The following CLEC4D variants were observed in gnomAD, a reference collection of about 807,000 sequenced individuals.
CLEC4D encodes the protein C-type lectin domain family 4 member D.
Under a neutral mutation model 21.1 loss-of-function variants are expected in CLEC4D, and 21 were observed. The ratio of observed to expected loss-of-function variants is 1.00; its 90% CI spans 0.71 to 1.43. The LOEUF (loss-of-function observed/expected upper bound fraction) is 1.43, where lower values mean the gene tolerates loss of function less well. Ranked by LOEUF, CLEC4D falls within the 40% of genes most tolerant of loss-of-function variation. The pLI is 0.00. For missense variants in CLEC4D, 289 were observed against 260.7 expected, an observed-to-expected ratio of 1.11 and a Z score of -0.75; for synonymous variants, 85 against 83.1, an observed-to-expected ratio of 1.02 and a Z score of -0.12.
At chr12:8,527,195 T>C (rs1940513481), downstream of CLEC4D, among the ~76,000 whole-genome samples, 1 of 152,198 alleles carries the variant, frequency 6.6e-6, no homozygotes, top group Admixed American at 6.5e-5. Context: ...GAGTAGGACC[T>C]GATTAATGAA....
chr12:8,518,732 A>C (rs1940416233), intron 3 of CLEC4D, among the ~76,000 whole-genome samples: 1 of 152,250 alleles, frequency 6.6e-6, no homozygotes, highest in Non-Finnish European at 1.5e-5. Flanking sequence ...TTAAATGTGC[A>C]AGTCAACAGA....
the CLEC4D span, among the ~76,000 whole-genome samples, chr12:8,527,716 C>T: frequency 6.6e-6 from 1 of 152,232 alleles, no homozygotes; most frequent in Non-Finnish European, 1.5e-5. Flanking sequence ...TGGTCGCCCT[C>T]CGCCCGCGCT....
In CLEC4D at chr12:8,520,317, A is replaced by G. The variant is rs1303139162; in HGVS notation, c.476A>G (p.Gln159Arg). ...AAAGGTCAGTGGCGTTGGGTGGACCAGACGCCATTTAACCCACGCAGAGTG... is the reference window on the plus strand; with the variant it reads ...AAAGGTCAGTGGCGTTGGGTGGACCGGACGCCATTTAACCCACGCAGAGTG... ...NAKGQWRWVD[Q>R]TPFNPRRVFW... Residue 159 changes from glutamine (Q) to arginine (R), a missense_variant, in exon 5 of 6, where the codon CAG becomes CGG. Coordinates refer to ENST00000299665, the MANE Select transcript of CLEC4D (RefSeq NM_080387.5). 2.5e-6 allele frequency: 4 copies of G among 1,614,038 alleles called. No individual in the cohort carries two copies. The highest frequency in any genetic ancestry group is 3.4e-6 in the Non-Finnish European group (4 of 1,179,876).
At chr12:8,519,279 G>A (rs1447675539) in intron 4 of CLEC4D, 119 bp downstream of exon 4, 32 of 1,372,850 alleles carry the variant, frequency 2.3e-5, no homozygotes, top group Admixed American at 3.3e-5. Context: ...TGCCTGGAAA[G>A]CCCTTTCTTC....
At chr12:8,528,029 TA>T in the CLEC4D span, among the ~76,000 whole-genome samples, 2 of 152,146 alleles carry the variant, frequency 1.3e-5, no homozygotes, top group Non-Finnish European at 2.9e-5. Flanking sequence ...TCCAGTCAAT[TA>T]TGATGAGACA....
At chr12:8,524,331 CT>C (rs574264286), downstream of CLEC4D, among the ~76,000 whole-genome samples, 10,844 of 137,834 alleles carry the variant, frequency 0.079, 748 homozygotes, top group African/African-American at 0.2. Context: ...TGGTCCTTGG[CT>C]TTTTTTTTTT....
chr12:8,517,713 G>A (rs1409829347), intron 2 of CLEC4D, among the ~76,000 whole-genome samples: 1 of 152,082 alleles, frequency 6.6e-6, no homozygotes, highest in Non-Finnish European at 1.5e-5. Context: ...TTGGGAGGCC[G>A]AGGCAGGCGG....
At chr12:8,524,396 C>T (rs755360924), downstream of CLEC4D, among the ~76,000 whole-genome samples, 1 of 151,448 alleles carries the variant, frequency 6.6e-6, no homozygotes, top group South Asian at 2.1e-4. Context: ...ATTGTCTATT[C>T]AGGGATTCAA....
At chr12:8,530,991 G>A in the CLEC4D span, among the ~76,000 whole-genome samples, 1 of 152,152 alleles carries the variant, frequency 6.6e-6, no homozygotes, top group Middle Eastern at 3.2e-3. Context: ...GACCTGTGTG[G>A]ACATCCACCT....
rs746324737 is a variant in CLEC4D, at chr12:8,513,742, G to A, written c.10G>A (p.Glu4Lys). The change falls in exon 1 of 6, where the codon GAA (glutamate) becomes AAA (lysine). Residue 4 changes from glutamate (E) to lysine (K), a missense_variant. Coordinates refer to ENST00000299665, the MANE Select transcript of CLEC4D (RefSeq NM_080387.5). MGL[E>K]KPQSKLEGGM... Reference sequence around the variant, plus strand: ...AGAGACTAATTAGACAATGGGGCTAGAAAAACCTCAAAGTAAACGTGAGTA... The same window carrying A: ...AGAGACTAATTAGACAATGGGGCTAAAAAAACCTCAAAGTAAACGTGAGTA... 1.0e-5 allele frequency: 12 copies of A among 1,147,614 alleles called. No homozygotes were observed. The South Asian group carries it at 1.2e-4, about 12-fold the overall frequency. 71.1% of individuals were successfully genotyped at this position (1,147,614 alleles called of 1,614,324 possible). A position where few individuals can be genotyped will look rare whatever the true frequency, so the allele number is the denominator to read the frequency against.
At position 8,521,197 on chromosome 12, in the gene CLEC4D, T is replaced by G. The variant is rs754615579; in HGVS notation, c.574T>G (p.Trp192Gly). ...TGTTCTTGTTTATAACCAAGATAAA[T>G]GGGCCTGGAATGATGTTCCTTGTAA... The part of the protein sequence containing the change: ...CVVLVYNQDK[W>G]AWNDVPCNFE... Residue 192 changes from tryptophan (W) to glycine (G), a missense_variant, in exon 6 of 6, where the codon TGG becomes GGG. By Grantham distance (184) the Trp-to-Gly change is radical (BLOSUM62 -2). Transcript: ENST00000299665. 6.2e-7 allele frequency: 1 copy of G among 1,613,688 alleles called. No individual in the cohort carries two copies. Among genetic ancestry groups the G allele is most frequent in the Non-Finnish European group, 8.5e-7 (1 of 1,179,712 alleles).
At chr12:8,520,422 G>A (rs2136388302) in intron 5 of CLEC4D, 81 bp downstream of exon 5, 2 of 1,536,596 alleles carry the variant, frequency 1.3e-6, no homozygotes, top group South Asian at 2.4e-5. Context: ...TTGAAGTGGA[G>A]TACATTGATA....
rs770124102 is a variant in CLEC4D, at chr12:8,515,305, T to G, written c.98T>G (p.Val33Gly). ...IAVVFILLLSVCFIASCLVTH... is the reference protein window; with the variant it reads ...IAVVFILLLSGCFIASCLVTH... ...GTAGTTTTCATCTTACTTCTCAGTG[T>G]CTGTTTTATTGCAAGTTGTTTGGGT... is the stretch of plus-strand genomic sequence containing the variant. The change falls in exon 2 of 6, where the codon GTC becomes GGC. Residue 33 changes from valine to glycine, a missense_variant. Coordinates refer to ENST00000299665, the MANE Select transcript of CLEC4D (RefSeq NM_080387.5). 6.9e-7 allele frequency: 1 copy of G among 1,448,078 alleles called. No individual in the cohort carries two copies. Among genetic ancestry groups the G allele is most frequent in the East Asian group, 2.3e-5 (1 of 44,160 alleles). 89.7% of individuals were successfully genotyped at this position (1,448,078 alleles called of 1,614,324 possible). A position where few individuals can be genotyped will look rare whatever the true frequency, so the allele number is the denominator to read the frequency against.
chr12:8,521,304 G>T lies in CLEC4D; in HGVS notation c.*33G>T, dbSNP rs1565492835. ...GAAAGTGGTCCTTGTGATGGAAAGA[G>T]AAAAGAAAAACCAATTAGAATAAGG... is the stretch of plus-strand genomic sequence containing the variant. On this transcript the variant is annotated 3_prime_UTR_variant, in exon 6 of 6. Coordinates refer to ENST00000299665, the MANE Select transcript of CLEC4D (RefSeq NM_080387.5). 6.3e-7 allele frequency: 1 copy of T among 1,586,000 alleles called. No homozygotes were observed. Among genetic ancestry groups the T allele is most frequent in the African/African-American group, 1.4e-5 (1 of 73,096 alleles).
intron 4 of CLEC4D, among the ~76,000 whole-genome samples, chr12:8,519,822 A>G (rs1013128564): frequency 2.0e-5 from 3 of 152,208 alleles, no homozygotes; most frequent in African/African-American, 7.2e-5. Flanking sequence ...AGTTTCCTCA[A>G]GGATTTTGTC....
intron 3 of CLEC4D, 139 bp from the exon 4 acceptor site, chr12:8,518,870 T>C: frequency 7.2e-7 from 1 of 1,385,332 alleles, no homozygotes; most frequent in Non-Finnish European, 9.5e-7. Flanking sequence ...GATCTTTTGG[T>C]AGGAGAACAG....
chr12:8,516,312 G>A (rs1940381114), intron 2 of CLEC4D, among the ~76,000 whole-genome samples: 1 of 152,280 alleles, frequency 6.6e-6, no homozygotes, highest in East Asian at 1.9e-4. Flanking sequence ...ACCAGTAACA[G>A]TGAAAATAAA....
rs1034871109 is a variant in CLEC4D at position 8,521,336 on chromosome 12, G to A, written c.*65G>A. On this transcript the variant is annotated 3_prime_UTR_variant, in exon 6 of 6. Coordinates refer to ENST00000299665, the MANE Select transcript of CLEC4D (RefSeq NM_080387.5). ...AAAACCAATTAGAATAAGGCAGAAT[G>A]TACGTGCGTCATTGGAACACAGAAA... The A allele has an allele frequency of 5.2e-6, 8 of 1,542,058 alleles. No individual in the cohort carries two copies. The highest frequency in any genetic ancestry group is 6.1e-6 in the Non-Finnish European group (7 of 1,149,644).
At chr12:8,513,820 C>T in intron 1 of CLEC4D, 60 bp downstream of exon 1, 1 of 808,946 alleles carries the variant, frequency 1.2e-6, no homozygotes, top group Non-Finnish European at 2.2e-6. Context: ...TAATTTAAAA[C>T]ATATGAATTG....
Sources: gnomAD v4.1 joint callset for allele counts (sites outside exome capture counted in the v4.1 genomes callset) on GRCh38, gnomAD v4.1.1 for gene constraint, MANE v1.5 for transcripts, NCBI Gene and HGNC (gene_info 2026-07-23, HGNC 2026-07-21) for gene names.